Variants in AIRIM observed in about 807,000 individuals in gnomAD.
The protein encoded by AIRIM is AFG2 interacting ribosome maturation factor, also known as AFG2-interacting ribosome maturation factor.
chr1:37,685,344 G>C, the AIRIM span, among the ~76,000 whole-genome samples: 1 of 151,324 alleles, frequency 6.6e-6, no homozygotes, highest in Non-Finnish European at 1.5e-5. Context: ...TGAGTAGCTG[G>C]GACTATAGCT....
the AIRIM span, chr1:37,686,144 A>C: frequency 1.2e-5 from 10 of 834,906 alleles, no homozygotes; most frequent in Admixed American, 1.8e-4. Flanking sequence ...AAAGGAATGC[A>C]GGAAGAATCC....
At chr1:37,687,950 T>C in the AIRIM span, among the ~76,000 whole-genome samples, 1 of 152,004 alleles carries the variant, frequency 6.6e-6, no homozygotes, top group East Asian at 1.9e-4. Flanking sequence ...CTCAAACTTC[T>C]AGGCTCAAGC....
At chr1:37,687,780 T>C in the AIRIM span, among the ~76,000 whole-genome samples, 5 of 152,240 alleles carry the variant, frequency 3.3e-5, no homozygotes, top group South Asian at 1.0e-3. Context: ...AAAGCACTCA[T>C]AGGTACTCAC....
chr1:37,690,574 G>C, the AIRIM span: 2,592 of 961,212 alleles, frequency 2.7e-3, 52 homozygotes, highest in African/African-American at 0.042. Flanking sequence ...GGGCCTGCCT[G>C]GCTACTGAGT....
the AIRIM span, chr1:37,684,217 G>A: frequency 6.6e-6 from 1 of 152,360 alleles, no homozygotes; most frequent in African/African-American, 2.4e-5. Flanking sequence ...CAGAAGGAAA[G>A]GACTTGACAA....
chr1:37,683,398 C>T, the AIRIM span: 1 of 1,614,034 alleles, frequency 6.2e-7, no homozygotes, highest in Non-Finnish European at 8.5e-7. Context: ...CCAAGTCTCC[C>T]CACTGGATAG....
At chr1:37,690,577 T>G in the AIRIM span, 1 of 920,368 alleles carries the variant, frequency 1.1e-6, no homozygotes, top group Non-Finnish European at 1.4e-6. Context: ...CCTGCCTGGC[T>G]ACTGAGTCGC....
chr1:37,690,089 T>C, the AIRIM span: 4 of 1,360,990 alleles, frequency 2.9e-6, no homozygotes, highest in Non-Finnish European at 3.8e-6. Flanking sequence ...CTATCTCGGC[T>C]CACTGCAACC....
At chr1:37,689,851 C>T in the AIRIM span, 8 of 1,582,846 alleles carry the variant, frequency 5.1e-6, no homozygotes, top group Non-Finnish European at 6.9e-6. Flanking sequence ...GCGCCTCCTG[C>T]ACGGCAAGCA....
chr1:37,686,370 C>T, the AIRIM span: 3 of 1,614,176 alleles, frequency 1.9e-6, no homozygotes, highest in African/African-American at 4.0e-5. Context: ...TCAATGCCAA[C>T]TGTGTCTGCG....
At chr1:37,689,806 C>T in the AIRIM span, 1 of 1,610,810 alleles carries the variant, frequency 6.2e-7, no homozygotes, top group South Asian at 1.1e-5. Flanking sequence ...GCCACAGGCC[C>T]TGCTGCTCCT....
the AIRIM span, among the ~76,000 whole-genome samples, chr1:37,687,166 C>T: frequency 1.3e-5 from 2 of 151,534 alleles, no homozygotes; most frequent in Admixed American, 1.3e-4. Context: ...TCGTTCTTGT[C>T]GCCCAGGCTG....
the AIRIM span, among the ~76,000 whole-genome samples, chr1:37,687,812 T>G: frequency 6.6e-6 from 1 of 152,188 alleles, no homozygotes; most frequent in South Asian, 2.1e-4. Context: ...GTTCAAATGA[T>G]CCTCTTGTCC....
the AIRIM span, among the ~76,000 whole-genome samples, chr1:37,690,755 T>C: frequency 0.25 from 37,828 of 152,086 alleles, 4,903 homozygotes; most frequent in Middle Eastern, 0.3. Context: ...TGGTGGCATG[T>C]CCTGTTAGCT....
the AIRIM span, chr1:37,690,277 G>A: frequency 1.0e-5 from 13 of 1,292,150 alleles, no homozygotes; most frequent in South Asian, 1.2e-5. Flanking sequence ...GAGCCACCGC[G>A]CCCGGCCTGC....
chr1:37,690,714 T>A, the AIRIM span, among the ~76,000 whole-genome samples: 1 of 152,244 alleles, frequency 6.6e-6, no homozygotes, highest in South Asian at 2.1e-4. Context: ...TTCTCATTTG[T>A]CAGCCTGCGG....
chr1:37,686,329 G>A, the AIRIM span: 2 of 1,614,032 alleles, frequency 1.2e-6, no homozygotes, highest in Non-Finnish European at 1.7e-6. Flanking sequence ...CAGCCACAGA[G>A]GGGCTCACTG....
At chr1:37,686,126 G>T in the AIRIM span, 2 of 713,406 alleles carry the variant, frequency 2.8e-6, no homozygotes, top group Admixed American at 3.2e-5. Flanking sequence ...TTAGAGGAAG[G>T]ATTATACAAA....
At chr1:37,682,913 C>T in the AIRIM span, 1 of 578,714 alleles carries the variant, frequency 1.7e-6, no homozygotes. Context: ...CAAGGCATGG[C>T]TCACATACTC....
Sources: gnomAD v4.1 joint callset for allele counts (sites outside exome capture counted in the v4.1 genomes callset) on GRCh38, gnomAD v4.1.1 for gene constraint, MANE v1.5 for transcripts, NCBI Gene and HGNC (gene_info 2026-07-23, HGNC 2026-07-21) for gene names.